NPAS3: variants seen among roughly 807,000 people sequenced by gnomAD.
NPAS3 encodes the protein neuronal PAS domain-containing protein 3.
Under a neutral mutation model 73.1 loss-of-function variants are expected in NPAS3, and 14 were observed. That is an observed-to-expected ratio of 0.19 (90% confidence interval 0.13 to 0.30). The LOEUF is 0.30. NPAS3 is among the 10% of genes least tolerant of loss of function. The pLI is 1.00. For missense variants in NPAS3, 1,096 were observed against 1,250.0 expected, an observed-to-expected ratio of 0.88 and a Z score of 1.86; for synonymous variants, 620 against 541.5, an observed-to-expected ratio of 1.14 and a Z score of -2.01.
At chr14:33,469,591 T>C (rs1194249748) in intron 4 of NPAS3, among the ~76,000 whole-genome samples, 3 of 152,180 alleles carry the variant, frequency 2.0e-5, no homozygotes, top group South Asian at 4.1e-4. Flanking sequence ...TAATGGGAAC[T>C]AGTTATTCTA....
intron 3 of NPAS3, among the ~76,000 whole-genome samples, chr14:33,226,307 T>G (rs2047630578): frequency 6.6e-6 from 1 of 152,198 alleles, no homozygotes; most frequent in Admixed American, 6.5e-5. Context: ...CTGATCAGTT[T>G]AGGTTAATTA....
chr14:33,456,473 T>G lies in NPAS3; in HGVS notation c.468+89205T>G, dbSNP rs556274341. On this transcript the variant is annotated intron_variant, in intron 4 of 11. Transcript: ENST00000356141. ...CAGAAAAAGACTATTAGGAAAATTA[T>G]GAGCATTTAGTGTTTTCATTTACCC... is the stretch of plus-strand genomic sequence containing the variant. Among the ~76,000 whole-genome samples, 760 of 152,316 alleles carry G rather than the reference T, an allele frequency of 5.0e-3. 7 individuals are homozygous for G. Among genetic ancestry groups the G allele is most frequent in the African/African-American group, 0.018 (731 of 41,568 alleles).
intron 3 of NPAS3, among the ~76,000 whole-genome samples, chr14:33,267,031 T>C (rs1240123448): frequency 6.6e-6 from 1 of 152,218 alleles, no homozygotes; most frequent in Non-Finnish European, 1.5e-5. Flanking sequence ...TTGACATTTG[T>C]TATTATGGCT....
chr14:33,308,264 T>A (rs1366010177), intron 3 of NPAS3, among the ~76,000 whole-genome samples: 1 of 152,060 alleles, frequency 6.6e-6, no homozygotes, highest in East Asian at 1.9e-4. Flanking sequence ...TACTGGTGTT[T>A]GAATAACTTC....
At chr14:33,084,990 A>G (rs1051246649) in intron 2 of NPAS3, among the ~76,000 whole-genome samples, 1 of 152,164 alleles carries the variant, frequency 6.6e-6, no homozygotes, top group African/African-American at 2.4e-5. Context: ...GCCAAACTGA[A>G]GTTTGACCTC....
intron 6 of NPAS3, among the ~76,000 whole-genome samples, chr14:33,682,946 C>T (rs2059980603): frequency 6.6e-6 from 1 of 152,176 alleles, no homozygotes; most frequent in Admixed American, 6.5e-5. Flanking sequence ...GACCTAATTC[C>T]TTGACCCACA....
In NPAS3 at chr14:33,770,488, G is replaced by T. The variant is rs1286247193; in HGVS notation, c.853-3849G>T. Among the ~76,000 whole-genome samples the T allele has an allele frequency of 2.0e-5, 3 of 152,190 alleles. No homozygotes were observed. The East Asian group carries it at 5.8e-4, about 29-fold the overall frequency. ...GATGTCTTCCCCCAACTTACAGTCT[G>T]TAAACTCTTTGAGGACAGATTTACA... On this transcript the variant is annotated intron_variant, in intron 7 of 11. Transcript: ENST00000356141.
chr14:33,313,021 C>G (rs1373136496), intron 3 of NPAS3, among the ~76,000 whole-genome samples: 7 of 151,814 alleles, frequency 4.6e-5, no homozygotes, highest in African/African-American at 1.7e-4. Context: ...TTTTCCTGTC[C>G]TGAAATGAGC....
At chr14:33,054,614 G>GTT (rs10545642) in intron 1 of NPAS3, among the ~76,000 whole-genome samples, 1 of 137,234 alleles carries the variant, frequency 7.3e-6, no homozygotes, top group Non-Finnish European at 1.6e-5. Context: ...ACTTATCTGA[G>GTT]TTTTTTTTTT....
intron 3 of NPAS3, among the ~76,000 whole-genome samples, chr14:33,218,767 A>G (rs776922270): frequency 1.3e-5 from 2 of 152,210 alleles, no homozygotes; most frequent in East Asian, 1.9e-4. Context: ...CCACACAACT[A>G]TATAGAAATT....
intron 2 of NPAS3, among the ~76,000 whole-genome samples, chr14:33,186,877 G>A (rs1296424294): frequency 6.6e-6 from 1 of 152,178 alleles, no homozygotes; most frequent in Non-Finnish European, 1.5e-5. Context: ...ATTTTTGGCT[G>A]CTACAACTGG....
At chr14:33,154,788 T>C (rs1211735681) in intron 2 of NPAS3, among the ~76,000 whole-genome samples, 1 of 152,212 alleles carries the variant, frequency 6.6e-6, no homozygotes, top group Non-Finnish European at 1.5e-5. Flanking sequence ...AAAATAGTTG[T>C]TTTGTACTAT....
Position 33,407,115 on chromosome 14 carries a change from G to A in NPAS3, c.468+39847G>A, listed in dbSNP as rs529781916. Among the ~76,000 whole-genome samples, 11 of 152,168 alleles carry A rather than the reference G, an allele frequency of 7.2e-5. No homozygotes were observed. In the East Asian group the frequency reaches 9.7e-4, roughly 13 times the overall value. On this transcript the variant is annotated intron_variant, in intron 4 of 11. Coordinates refer to ENST00000356141, the Ensembl canonical transcript of NPAS3. ...GTTGCTAATTGAACTCTTTATTTCCGCTCACTGAAGCTCTTCAGTAGGTAA... is the reference window on the plus strand; with the variant it reads ...GTTGCTAATTGAACTCTTTATTTCCACTCACTGAAGCTCTTCAGTAGGTAA...
intron 5 of NPAS3, among the ~76,000 whole-genome samples, chr14:33,563,059 A>G (rs2055731517): frequency 6.6e-6 from 1 of 152,178 alleles, no homozygotes. Flanking sequence ...TTGTTAAATA[A>G]AGACAATGTG....
chr14:33,392,965 TG>T (rs1270912148), intron 4 of NPAS3, among the ~76,000 whole-genome samples: 1 of 152,192 alleles, frequency 6.6e-6, no homozygotes, highest in Non-Finnish European at 1.5e-5. Flanking sequence ...TAATGTTTGC[TG>T]GGGTGAGCTC....
intron 6 of NPAS3, among the ~76,000 whole-genome samples, chr14:33,700,872 C>T (rs2060506599): frequency 6.6e-6 from 1 of 152,214 alleles, no homozygotes; most frequent in African/African-American, 2.4e-5. Flanking sequence ...GAAGATTTCG[C>T]TACTATCCAA....
intron 4 of NPAS3, among the ~76,000 whole-genome samples, chr14:33,450,592 A>G (rs1353513571): frequency 6.6e-6 from 1 of 152,152 alleles, no homozygotes; most frequent in Non-Finnish European, 1.5e-5. Flanking sequence ...TCTTCATGGA[A>G]TCTTTCCTTA....
In NPAS3 at chr14:32,966,078, A is replaced by T. The variant is rs150191752; in HGVS notation, c.50+26712A>T. Among the ~76,000 whole-genome samples the T allele has an allele frequency of 1.1e-3, 172 of 152,326 alleles. No individual in the cohort carries two copies. In the East Asian group the frequency reaches 0.015, roughly 13 times the overall value. ...ACACTAACAAATGGAAAGATATCTC[A>T]TGTTAATGGATTGGAAGAATTAATA... On this transcript the variant is annotated intron_variant, in intron 1 of 11. Coordinates refer to ENST00000356141, the Ensembl canonical transcript of NPAS3.
chr14:33,080,252 C>T (rs745910386), intron 2 of NPAS3, among the ~76,000 whole-genome samples: 4 of 151,832 alleles, frequency 2.6e-5, no homozygotes, highest in East Asian at 2.0e-4. Context: ...GGACTACAGG[C>T]GCCCGCCACC....
Sources: gnomAD v4.1 joint callset for allele counts (sites outside exome capture counted in the v4.1 genomes callset) on GRCh38, gnomAD v4.1.1 for gene constraint, MANE v1.5 for transcripts, NCBI Gene and HGNC (gene_info 2026-07-23, HGNC 2026-07-21) for gene names.